The following CALN1 variants were observed in gnomAD, a reference collection of about 807,000 sequenced individuals.
CALN1 encodes the protein calcium-binding protein 8.
A neutral mutation model predicts 30.6 loss-of-function variants in CALN1; 17 were observed. That is an observed-to-expected ratio of 0.56 (90% CI 0.38 to 0.83). The LOEUF (loss-of-function observed/expected upper bound fraction) is 0.83, where lower values mean the gene tolerates loss of function less well. Ranked by LOEUF, CALN1 falls within the 40% of genes least tolerant of loss-of-function variation. The pLI is 0.00. For missense variants in CALN1, 291 were observed against 354.9 expected (o/e 0.82, Z 1.45); for synonymous variants, 156 against 131.4 (o/e 1.19, Z -1.28).
At chr7:72,150,210 T>C (rs1359932781) in intron 3 of CALN1, among the ~76,000 whole-genome samples, 1 of 151,992 alleles carries the variant, frequency 6.6e-6, no homozygotes, top group Non-Finnish European at 1.5e-5. Context: ...CACGAATCTT[T>C]TGCATATGCA....
At chr7:72,187,185 G>GAATGGATGA (rs1453522871) in intron 3 of CALN1, among the ~76,000 whole-genome samples, 1 of 152,120 alleles carries the variant, frequency 6.6e-6, no homozygotes, top group African/African-American at 2.4e-5. Context: ...AAAACAGGAT[G>GAATGGATGA]AATGGATGAA....
chr7:71,890,081 CAATGAG>C (rs1372550281), intron 5 of CALN1, among the ~76,000 whole-genome samples: 1 of 152,006 alleles, frequency 6.6e-6, no homozygotes, highest in African/African-American at 2.4e-5. Flanking sequence ...TGAATGAGAG[CAATGAG>C]AATGAGAACA....
chr7:72,429,466 T>C (rs1807903703), intron 1 of CALN1, among the ~76,000 whole-genome samples: 1 of 152,096 alleles, frequency 6.6e-6, no homozygotes, highest in African/African-American at 2.4e-5. Flanking sequence ...ATGAACAGAA[T>C]GCTGACAAAG....
the CALN1 span, among the ~76,000 whole-genome samples, chr7:72,497,356 C>T: frequency 1.6e-3 from 242 of 152,260 alleles, no homozygotes; most frequent in Middle Eastern, 3.4e-3. Context: ...AGGAGAATCG[C>T]TTGAACCTGG....
rs1443958769 is a variant in CALN1 at position 71,799,450 on chromosome 7, T to TTTATTTAG, written c.658+10885_658+10886insCTAAATAA. 1.5e-3 allele frequency among the ~76,000 whole-genome samples: 101 copies of TTTATTTAG among 69,110 alleles called. 1 individual carries two copies. The highest frequency in any genetic ancestry group is 3.4e-3 in the African/African-American group (94 of 27,770). The allele number at this position is 69,110 out of a possible 152,430, so 45.3% of individuals were successfully genotyped here. On this transcript the variant is annotated intron_variant, in intron 6 of 6. Transcript: ENST00000395275. The stretch of plus-strand genomic sequence containing the variant: ...ATTTATTTATTTATTTATTTATTTA[T>TTTATTTAG]TTAGTTAGTTAGTTAGTTAGTTAGT...
chr7:71,904,069 GA>G (rs926466552), intron 5 of CALN1, among the ~76,000 whole-genome samples: 20 of 151,998 alleles, frequency 1.3e-4, no homozygotes, highest in African/African-American at 4.6e-4. Flanking sequence ...GGAAGATGGG[GA>G]AAAAAAGGAA....
intron 2 of CALN1, among the ~76,000 whole-genome samples, chr7:72,329,536 A>C (rs1194852740): frequency 6.6e-5 from 10 of 152,186 alleles, no homozygotes; most frequent in Non-Finnish European, 1.2e-4. Context: ...TAATGAACCC[A>C]GTTCATTCCT....
chr7:71,981,778 T>C (rs1359015488), intron 5 of CALN1, among the ~76,000 whole-genome samples: 2 of 151,982 alleles, frequency 1.3e-5, no homozygotes, highest in Non-Finnish European at 2.9e-5. Flanking sequence ...TCTAGGTAGA[T>C]AGTGTCAGAA....
chr7:72,119,524 A>T (rs1335406511), intron 3 of CALN1, among the ~76,000 whole-genome samples: 1 of 152,010 alleles, frequency 6.6e-6, no homozygotes, highest in African/African-American at 2.4e-5. Flanking sequence ...AAGGAAAAAA[A>T]AAAACCAGAG....
At chr7:71,840,450 A>C (rs1297741563) in intron 5 of CALN1, among the ~76,000 whole-genome samples, 2 of 143,376 alleles carry the variant, frequency 1.4e-5, no homozygotes, top group Non-Finnish European at 3.0e-5. Flanking sequence ...GCACCATGGC[A>C]CTCCAGCCTG....
chr7:72,474,685 CAA>C, the CALN1 span, among the ~76,000 whole-genome samples: 68 of 133,096 alleles, frequency 5.1e-4, no homozygotes, highest in African/African-American at 1.7e-3. Context: ...GATCTTGTCC[CAA>C]AAAAAAAAAA....
At chr7:71,999,468 G>A (rs1055533573) in intron 5 of CALN1, among the ~76,000 whole-genome samples, 2 of 151,996 alleles carry the variant, frequency 1.3e-5, no homozygotes, top group Non-Finnish European at 2.9e-5. Context: ...GAATCAACCA[G>A]CAGGATCTAG....
rs529206440 is a variant in CALN1 at position 72,160,216 on chromosome 7, C to A, written c.245-53922G>T. Among the ~76,000 whole-genome samples the A allele has an allele frequency of 5.3e-5, 8 of 152,040 alleles. No homozygotes were observed. The South Asian group carries it at 1.7e-3, about 32-fold the overall frequency. Reference sequence around the variant, plus strand: ...CTCCCTGATGAGTTCTCATGATGGCCACAGGAAGGAAGAGACATCCGTCAT... The same window carrying A: ...CTCCCTGATGAGTTCTCATGATGGCAACAGGAAGGAAGAGACATCCGTCAT... On this transcript the variant is annotated intron_variant, in intron 3 of 6. Coordinates refer to ENST00000395275, the MANE Select transcript of CALN1 (RefSeq NM_031468.4).
At chr7:72,322,978 G>A (rs1800996901) in intron 2 of CALN1, among the ~76,000 whole-genome samples, 1 of 148,948 alleles carries the variant, frequency 6.7e-6, no homozygotes, top group Non-Finnish European at 1.5e-5. Flanking sequence ...CCTGGGTGGA[G>A]TGGGAACAGA....
chr7:71,922,551 C>T (rs1428152177), intron 5 of CALN1, among the ~76,000 whole-genome samples: 1 of 120,192 alleles, frequency 8.3e-6, no homozygotes, highest in Non-Finnish European at 1.7e-5. Flanking sequence ...AAATATATAA[C>T]ACACAGATTA....
intron 3 of CALN1, among the ~76,000 whole-genome samples, chr7:72,225,831 A>G (rs1159404136): frequency 6.6e-6 from 1 of 152,102 alleles, no homozygotes; most frequent in African/African-American, 2.4e-5. Flanking sequence ...ATAGCAGTGG[A>G]TCAGGCCTGT....
At chr7:72,426,837 T>C (rs1380082136) in intron 1 of CALN1, among the ~76,000 whole-genome samples, 2 of 152,202 alleles carry the variant, frequency 1.3e-5, no homozygotes, top group Non-Finnish European at 2.9e-5. Context: ...TCATGTTTGC[T>C]GTTCATACAG....
At chr7:72,118,457 A>G (rs1808150085) in intron 3 of CALN1, among the ~76,000 whole-genome samples, 3 of 152,224 alleles carry the variant, frequency 2.0e-5, no homozygotes, top group Non-Finnish European at 4.4e-5. Flanking sequence ...AGAAAGCTAG[A>G]GGCATTTCTA....
intron 3 of CALN1, among the ~76,000 whole-genome samples, chr7:72,191,400 G>A (rs1288984135): frequency 1.3e-5 from 2 of 151,930 alleles, no homozygotes; most frequent in African/African-American, 2.4e-5. Context: ...TCAGGAGTTC[G>A]AGACCAGCCT....
Sources: gnomAD v4.1 joint callset for allele counts (sites outside exome capture counted in the v4.1 genomes callset) on GRCh38, gnomAD v4.1.1 for gene constraint, MANE v1.5 for transcripts, NCBI Gene and HGNC (gene_info 2026-07-23, HGNC 2026-07-21) for gene names.